Variants in APPBP2 observed in about 807,000 individuals in gnomAD.
APPBP2 encodes the protein amyloid protein-binding protein 2.
In APPBP2, 15 loss-of-function variants were observed where a neutral mutation model predicts 76.0. The observed-to-expected ratio is 0.20, with a 90% CI of 0.13 to 0.30. APPBP2 has a LOEUF of 0.30. Ranked by LOEUF, APPBP2 falls within the 10% of genes least tolerant of loss-of-function variation. The pLI, the probability that APPBP2 is intolerant of heterozygous loss-of-function variation, is 1.00. For missense variants in APPBP2, 401 were observed against 687.2 expected (o/e 0.58, Z 4.66); for synonymous variants, 222 against 242.2 (o/e 0.92, Z 0.77).
At chr17:60,515,339 C>A (rs1161837961) in intron 1 of APPBP2, among the ~76,000 whole-genome samples, 1 of 151,250 alleles carries the variant, frequency 6.6e-6, no homozygotes, top group East Asian at 2.0e-4. Flanking sequence ...TGGTCTCAAA[C>A]TCCTGAACTC....
At position 60,447,380 on chromosome 17, in the gene APPBP2, C is replaced by T. The variant is rs1015885153; in HGVS notation, c.*201G>A. On this transcript the variant is annotated 3_prime_UTR_variant, in exon 13 of 13. Transcript: ENST00000083182. ...ATGTGGGCCAGACTACTTACACATG[C>T]GGTACATGCTGAATATAACTGAATA... 5.1e-4 allele frequency: 232 copies of T among 455,522 alleles called. No individual in the cohort carries two copies. Among genetic ancestry groups the T allele is most frequent in the Middle Eastern group, 5.6e-4 (1 of 1,790 alleles). 28.2% of individuals were successfully genotyped at this position (455,522 alleles called of 1,614,324 possible). A position where few individuals can be genotyped will look rare whatever the true frequency, so the allele number is the denominator to read the frequency against.
chr17:60,468,947 A>T lies in APPBP2; in HGVS notation c.504-2488T>A, dbSNP rs74401050. On this transcript the variant is annotated intron_variant, in intron 4 of 12. Transcript: ENST00000083182. ...ATTAGTTTACTAATATATTTACCATAAGACTGAACATGACTAGTTAGAGCC... is the reference window on the plus strand; with the variant it reads ...ATTAGTTTACTAATATATTTACCATTAGACTGAACATGACTAGTTAGAGCC... Among the ~76,000 whole-genome samples, 675 of 152,330 alleles carry T rather than the reference A, an allele frequency of 4.4e-3. 4 individuals are homozygous for T. The highest frequency in any genetic ancestry group is 0.015 in the African/African-American group (616 of 41,576).
At chr17:60,482,908 TATA>T (rs1330739061) in intron 3 of APPBP2, among the ~76,000 whole-genome samples, 4 of 152,226 alleles carry the variant, frequency 2.6e-5, no homozygotes, top group African/African-American at 9.6e-5. Flanking sequence ...CATATGTCTT[TATA>T]GTAGCATGAT....
At position 60,526,122 on chromosome 17, in the gene APPBP2, C is replaced by T; in HGVS notation, c.-191G>A. 1.7e-6 allele frequency: 1 copy of T among 597,472 alleles called. No individual in the cohort carries two copies. The highest frequency in any genetic ancestry group is 3.0e-6 in the Non-Finnish European group (1 of 338,514). The allele number at this position is 597,472 out of a possible 1,614,324, so 37.0% of individuals were successfully genotyped here. ...AGGGACGGCGGCAGCGGACGCAGGC[C>T]CGAGTAAAAAGTGGGACAGAAAACA... On this transcript the variant is annotated 5_prime_UTR_variant, in exon 1 of 13. Coordinates refer to ENST00000083182, the MANE Select transcript of APPBP2 (RefSeq NM_006380.5).
chr17:60,523,512 A>C (rs987111589), intron 1 of APPBP2, among the ~76,000 whole-genome samples: 15 of 152,158 alleles, frequency 9.9e-5, no homozygotes, highest in Admixed American at 2.6e-4. Flanking sequence ...AAAGTTTCTT[A>C]TATGTATATG....
At chr17:60,512,945 A>T (rs971901688) in intron 1 of APPBP2, among the ~76,000 whole-genome samples, 3 of 147,690 alleles carry the variant, frequency 2.0e-5, no homozygotes, top group South Asian at 4.1e-4. Flanking sequence ...TTAAAAAAAA[A>T]ATTTTTCTTT....
chr17:60,502,433 C>T (rs116823771), intron 1 of APPBP2, among the ~76,000 whole-genome samples: 8 of 152,238 alleles, frequency 5.3e-5, no homozygotes, highest in Middle Eastern at 3.4e-3. Context: ...TTCTGATTTG[C>T]GACACAACAG....
chr17:60,525,010 T>C (rs1270131883), intron 1 of APPBP2, among the ~76,000 whole-genome samples: 1 of 152,228 alleles, frequency 6.6e-6, no homozygotes, highest in Non-Finnish European at 1.5e-5. Flanking sequence ...TTGAAACTCC[T>C]TGGAGAGTGG....
At chr17:60,504,942 C>T (rs2090854477) in intron 1 of APPBP2, among the ~76,000 whole-genome samples, 1 of 152,022 alleles carries the variant, frequency 6.6e-6, no homozygotes, top group Non-Finnish European at 1.5e-5. Context: ...CTTTAAATAG[C>T]CAAAACTTCA....
At chr17:60,500,142 G>A (rs2090810725) in intron 2 of APPBP2, among the ~76,000 whole-genome samples, 1 of 152,008 alleles carries the variant, frequency 6.6e-6, no homozygotes, top group East Asian at 1.9e-4. Flanking sequence ...CTCCCAAGTA[G>A]CTGGGACTAA....
intron 4 of APPBP2, among the ~76,000 whole-genome samples, chr17:60,468,846 A>T (rs1301142542): frequency 6.6e-6 from 1 of 152,226 alleles, no homozygotes; most frequent in African/African-American, 2.4e-5. Context: ...CCTGATCAAC[A>T]CCTACTGTCA....
At chr17:60,453,943 G>A (rs758211151) in intron 11 of APPBP2, among the ~76,000 whole-genome samples, 6 of 151,642 alleles carry the variant, frequency 4.0e-5, no homozygotes, top group South Asian at 2.1e-4. Flanking sequence ...TGTGATCATA[G>A]TCACTGCAGC....
At chr17:60,479,042 A>G in intron 4 of APPBP2, 106 bp downstream of exon 4, 1 of 1,092,718 alleles carries the variant, frequency 9.2e-7, no homozygotes, top group South Asian at 1.9e-5. Flanking sequence ...TATAAATATC[A>G]TCTCAGAGAT....
At chr17:60,498,437 C>G (rs961953773) in intron 2 of APPBP2, among the ~76,000 whole-genome samples, 4 of 152,006 alleles carry the variant, frequency 2.6e-5, no homozygotes, top group Admixed American at 6.6e-5. Flanking sequence ...AGGTATGTAT[C>G]TAATAGATAT....
chr17:60,508,930 G>A (rs1429258809), intron 1 of APPBP2, among the ~76,000 whole-genome samples: 1 of 152,030 alleles, frequency 6.6e-6, no homozygotes, highest in Non-Finnish European at 1.5e-5. Flanking sequence ...AAAGTCTACA[G>A]GACAAACGAA....
intron 1 of APPBP2, among the ~76,000 whole-genome samples, chr17:60,506,307 A>G (rs978462487): frequency 6.6e-6 from 1 of 152,082 alleles, no homozygotes; most frequent in African/African-American, 2.4e-5. Context: ...ACGCCTGCCT[A>G]TATTTCTGAC....
intron 2 of APPBP2, among the ~76,000 whole-genome samples, chr17:60,497,446 T>A (rs2090785675): frequency 6.6e-6 from 1 of 152,078 alleles, no homozygotes; most frequent in African/African-American, 2.4e-5. Flanking sequence ...CACAACAGGA[T>A]TATAGTAAAA....
chr17:60,505,474 GC>G (rs376736734), intron 1 of APPBP2, among the ~76,000 whole-genome samples: 206 of 149,948 alleles, frequency 1.4e-3, no homozygotes, highest in African/African-American at 4.6e-3. Flanking sequence ...TGCCACCATG[GC>G]CAGCTCATTT....
At chr17:60,487,686 C>A (rs2090691781) in intron 3 of APPBP2, among the ~76,000 whole-genome samples, 1 of 152,298 alleles carries the variant, frequency 6.6e-6, no homozygotes, top group Non-Finnish European at 1.5e-5. Context: ...CCTTCTGAAG[C>A]CTACTTCTGT....
Sources: gnomAD v4.1 joint callset for allele counts (sites outside exome capture counted in the v4.1 genomes callset) on GRCh38, gnomAD v4.1.1 for gene constraint, MANE v1.5 for transcripts, NCBI Gene and HGNC (gene_info 2026-07-23, HGNC 2026-07-21) for gene names.